LHCGR: variants seen among roughly 807,000 people sequenced by gnomAD.
LHCGR encodes luteinizing hormone/choriogonadotropin receptor, also known as lutropin-choriogonadotropic hormone receptor.
Under a neutral mutation model 60.7 loss-of-function variants are expected in LHCGR, and 55 were observed. The ratio of observed to expected loss-of-function variants is 0.91; its 90% confidence interval spans 0.73 to 1.13. The LOEUF is 1.13. Among genes scored for constraint, LHCGR ranks in the 50% most tolerant of loss-of-function variants. The pLI is 0.00. For synonymous variants in LHCGR, 337 were observed against 316.5 expected, an observed-to-expected ratio of 1.06 and a Z score of -0.69; for missense variants, 862 against 836.0, an observed-to-expected ratio of 1.03 and a Z score of -0.38.
At chr2:48,718,112 C>T (rs770811050) in intron 6 of LHCGR, among the ~76,000 whole-genome samples, 1 of 151,926 alleles carries the variant, frequency 6.6e-6, no homozygotes, top group Non-Finnish European at 1.5e-5. Context: ...TCCAAAACAT[C>T]ATGGTGTCAG....
chr2:48,691,354 C>G (rs922385929), intron 10 of LHCGR, among the ~76,000 whole-genome samples: 1 of 152,154 alleles, frequency 6.6e-6, no homozygotes, highest in Non-Finnish European at 1.5e-5. Flanking sequence ...CAGTTTGGAA[C>G]TAGAGAAGGG....
intron 1 of LHCGR, among the ~76,000 whole-genome samples, chr2:48,737,851 T>A (rs1368389286): frequency 6.6e-6 from 1 of 152,234 alleles, no homozygotes; most frequent in African/African-American, 2.4e-5. Context: ...TGCTTACAAG[T>A]CATTTGGTCC....
Position 48,737,189 on chromosome 2 carries a change from T to C in LHCGR, c.162-5891A>G, listed in dbSNP as rs150119383. Among the ~76,000 whole-genome samples the C allele has an allele frequency of 1.4e-3, 220 of 152,368 alleles. 1 individual carries two copies. Among genetic ancestry groups the C allele is most frequent in the African/African-American group, 5.0e-3 (209 of 41,586 alleles). Reference sequence around the variant, plus strand: ...AGTGTTTTTATTCACTACCTTCTAATTGTTGTTAAAAATGCCAACTATATT... The same window carrying C: ...AGTGTTTTTATTCACTACCTTCTAACTGTTGTTAAAAATGCCAACTATATT... On this transcript the variant is annotated intron_variant, in intron 1 of 10. Transcript: ENST00000294954.
chr2:48,719,910 G>A (rs1412457534), intron 6 of LHCGR: 1 of 152,110 alleles, frequency 6.6e-6, no homozygotes, highest in Non-Finnish European at 1.5e-5. Flanking sequence ...TTTCCAGCAG[G>A]CTGCTCCACA....
chr2:48,704,132 T>A (rs1243965342), intron 8 of LHCGR, among the ~76,000 whole-genome samples: 3 of 152,226 alleles, frequency 2.0e-5, no homozygotes, highest in Admixed American at 6.5e-5. Flanking sequence ...CTTTTCTGCA[T>A]CTATTGAGAT....
intron 1 of LHCGR, among the ~76,000 whole-genome samples, chr2:48,740,143 A>G (rs1427609019): frequency 1.3e-5 from 2 of 152,246 alleles, no homozygotes; most frequent in Admixed American, 6.5e-5. Flanking sequence ...TGGGCTTAAA[A>G]AACGGTGCAC....
chr2:48,689,103 A>ATACACATATATACATATG (rs1680066763), intron 10 of LHCGR, among the ~76,000 whole-genome samples: 1 of 151,160 alleles, frequency 6.6e-6, no homozygotes, highest in Non-Finnish European at 1.5e-5. Flanking sequence ...ATATACATAT[A>ATACACATATATACATATG]TACACATATA....
chr2:48,703,487 C>A (rs1005774045), intron 8 of LHCGR, among the ~76,000 whole-genome samples: 1 of 152,168 alleles, frequency 6.6e-6, no homozygotes, highest in Admixed American at 6.5e-5. Context: ...CAGCTTTCTG[C>A]ATATGGCTAG....
chr2:48,712,041 C>T (rs1350479382), intron 7 of LHCGR, among the ~76,000 whole-genome samples: 3 of 151,920 alleles, frequency 2.0e-5, no homozygotes, highest in Non-Finnish European at 2.9e-5. Flanking sequence ...TCTTATAATT[C>T]CTCCTCTGGA....
At chr2:48,699,545 A>G (rs1283287119) in intron 8 of LHCGR, among the ~76,000 whole-genome samples, 1 of 152,198 alleles carries the variant, frequency 6.6e-6, no homozygotes, top group Admixed American at 6.5e-5. Flanking sequence ...CAGATGCCTC[A>G]GTCTTTGATT....
At chr2:48,750,257 C>A (rs1166898396) in intron 1 of LHCGR, among the ~76,000 whole-genome samples, 4 of 152,114 alleles carry the variant, frequency 2.6e-5, no homozygotes, top group Non-Finnish European at 5.9e-5. Flanking sequence ...GTGTGCTACA[C>A]CAGGAGGCCA....
intron 1 of LHCGR, among the ~76,000 whole-genome samples, chr2:48,748,694 A>G (rs1290185674): frequency 5.9e-5 from 9 of 152,272 alleles, no homozygotes; most frequent in African/African-American, 2.2e-4. Flanking sequence ...TCAGATTATT[A>G]CAATAATACC....
chr2:48,753,546 C>A (rs2103756448), intron 1 of LHCGR, among the ~76,000 whole-genome samples: 1 of 152,272 alleles, frequency 6.6e-6, no homozygotes, highest in Non-Finnish European at 1.5e-5. Flanking sequence ...CAAACCTAGT[C>A]AGCCCTATCA....
In LHCGR at chr2:48,694,572, A is replaced by G. The variant is rs17037554; in HGVS notation, c.867-268T>C. On this transcript the variant is annotated intron_variant, in intron 9 of 10. Coordinates refer to ENST00000294954, the MANE Select transcript of LHCGR (RefSeq NM_000233.4). ...AGATGAAAAAACTTAAATTTGTCAT[A>G]TTGAATCAAGGATTTTCCAATGATT... 6.9e-3 allele frequency among the ~76,000 whole-genome samples: 1,044 copies of G among 152,270 alleles called. 9 individuals are homozygous for G. The highest frequency in any genetic ancestry group is 0.024 in the African/African-American group (1,000 of 41,570).
intron 8 of LHCGR, among the ~76,000 whole-genome samples, chr2:48,704,807 T>C (rs1237982163): frequency 6.6e-6 from 1 of 152,174 alleles, no homozygotes; most frequent in Non-Finnish European, 1.5e-5. Flanking sequence ...TTGCTAGCAG[T>C]GTATCTATTT....
rs191594263 is a variant in LHCGR at position 48,737,427 on chromosome 2, A to G, written c.162-6129T>C. ...ATTCAAAAGAATTTGGTGTTTTTGT[A>G]TTTATTAAGATCTTGTTCTACACTT... On this transcript the variant is annotated intron_variant, in intron 1 of 10. Transcript: ENST00000294954. Among the ~76,000 whole-genome samples, 505 of 152,334 alleles carry G rather than the reference A, an allele frequency of 3.3e-3. 2 individuals carry two copies. The highest frequency in any genetic ancestry group is 5.4e-3 in the Non-Finnish European group (368 of 68,012).
chr2:48,700,336 G>T (rs1667346200), intron 8 of LHCGR, among the ~76,000 whole-genome samples: 1 of 152,118 alleles, frequency 6.6e-6, no homozygotes, highest in South Asian at 2.1e-4. Flanking sequence ...CAGACTAGTG[G>T]GAGAAATGCT....
chr2:48,725,594 C>A, intron 4 of LHCGR, 82 bp downstream of exon 4: 1 of 994,516 alleles, frequency 1.0e-6, no homozygotes, highest in South Asian at 1.3e-5. Context: ...TAAACAAAAT[C>A]TTTCCAACCT....
At chr2:48,694,357 A>G (rs1407536410) in intron 9 of LHCGR, 53 bp from the exon 10 acceptor site, 3 of 1,065,136 alleles carry the variant, frequency 2.8e-6, no homozygotes, top group Non-Finnish European at 4.3e-6. Flanking sequence ...TTCAGGCTAA[A>G]CCTGACTGTG....
Sources: gnomAD v4.1 joint callset for allele counts (sites outside exome capture counted in the v4.1 genomes callset) on GRCh38, gnomAD v4.1.1 for gene constraint, MANE v1.5 for transcripts, NCBI Gene and HGNC (gene_info 2026-07-23, HGNC 2026-07-21) for gene names.